The following MYOM3 variants were observed in gnomAD, a reference collection of about 807,000 sequenced individuals.
MYOM3 encodes myomesin 3.
MYOM3 carries 155 observed loss-of-function variants against 191.7 expected under a neutral mutation model. That is an observed-to-expected ratio of 0.81 (90% CI 0.71 to 0.92). MYOM3 has a LOEUF of 0.92. Ranked by LOEUF, MYOM3 falls within the 40% of genes least tolerant of loss-of-function variation. The pLI is 0.00. For missense variants in MYOM3, 1,889 were observed against 1,890.6 expected (o/e 1.00, Z 0.02); for synonymous variants, 757 against 762.9 (o/e 0.99, Z 0.13).
intron 14 of MYOM3, among the ~76,000 whole-genome samples, chr1:24,089,010 C>A (rs947347055): frequency 6.6e-6 from 1 of 152,318 alleles, no homozygotes; most frequent in East Asian, 1.9e-4. Flanking sequence ...TACTGCCCCC[C>A]CTCCACTGTG....
chr1:24,107,244 G>A lies in MYOM3; in HGVS notation c.243-12C>T. On this transcript the variant is annotated splice_polypyrimidine_tract_variant and intron_variant, in intron 3 of 36. Transcript: ENST00000374434. Reference sequence around the variant, plus strand: ...TCAGCTGGGCTTCCCTGCCGTGACAGAGGCCATCGGGGCTCAGGCAGGGAT... The same window carrying A: ...TCAGCTGGGCTTCCCTGCCGTGACAAAGGCCATCGGGGCTCAGGCAGGGAT... The A allele has an allele frequency of 6.3e-7, 1 of 1,588,400 alleles. No individual in the cohort carries two copies. Among genetic ancestry groups the A allele is most frequent in the South Asian group, 1.1e-5 (1 of 87,160 alleles).
Position 24,111,256 on chromosome 1 carries a change from C to G in MYOM3, c.-19+775G>C, listed in dbSNP as rs949206724. Among the ~76,000 whole-genome samples, 6 of 152,230 alleles carry G rather than the reference C, an allele frequency of 3.9e-5. No homozygotes were observed. The highest frequency in any genetic ancestry group is 8.8e-5 in the Non-Finnish European group (6 of 68,040). ...CTGGGCCAGAGGTCCCACTGCGTGG[C>G]CTTCCCTATTCCCCTCTGCTTTCCT... On this transcript the variant is annotated intron_variant, in intron 1 of 36. Coordinates refer to ENST00000374434, the MANE Select transcript of MYOM3 (RefSeq NM_152372.4). The surrounding 1 kb of genome is among the most constrained non-coding windows in gnomAD (Gnocchi z 4.7).
intron 20 of MYOM3, among the ~76,000 whole-genome samples, chr1:24,077,521 T>C (rs1443589763): frequency 6.6e-6 from 1 of 152,188 alleles, no homozygotes; most frequent in Non-Finnish European, 1.5e-5. Flanking sequence ...CTCACTCCAG[T>C]GTAGCCTGTG....
intron 20 of MYOM3, among the ~76,000 whole-genome samples, chr1:24,076,659 G>A (rs1478945340): frequency 1.1e-5 from 1 of 93,314 alleles, no homozygotes; most frequent in Non-Finnish European, 2.4e-5. Context: ...GACTACAGGC[G>A]CCCGCCACTA....
chr1:24,062,020 T>C lies in MYOM3; in HGVS notation c.3860A>G (p.Asp1287Gly), dbSNP rs1176868331. The stretch of plus-strand genomic sequence containing the variant: ...TATTTCCAGAGTGTATTTGCCCTTG[T>C]CTGAGTCTTTGGGGTCCAGGATGTG... ...WLHILDPKDS[D>G]KGKYTLEIAA... Residue 1287 changes from aspartate to glycine, a missense_variant, in exon 33 of 37, where the codon GAC (aspartate) becomes GGC (glycine). Transcript: ENST00000374434. The C allele has an allele frequency of 1.2e-6, 2 of 1,614,082 alleles. No individual in the cohort carries two copies. Among genetic ancestry groups the C allele is most frequent in the African/African-American group, 2.7e-5 (2 of 74,908 alleles).
Position 24,098,018 on chromosome 1 carries a change from AG to A in MYOM3, c.657-8del. The A allele has an allele frequency of 2.5e-6, 4 of 1,597,024 alleles. No individual in the cohort carries two copies. The highest frequency in any genetic ancestry group is 3.4e-6 in the Non-Finnish European group (4 of 1,164,382). On this transcript the variant is annotated splice_region_variant and splice_polypyrimidine_tract_variant and intron_variant, in intron 6 of 36. Coordinates refer to ENST00000374434, the MANE Select transcript of MYOM3 (RefSeq NM_152372.4). Reference sequence around the variant, plus strand: ...TGAGTCCTCAATGGCGCATCTGAAAAGGAGAGAGGGAGAAGTTCCTCCCAAG... The same window carrying A: ...TGAGTCCTCAATGGCGCATCTGAAAAGAGAGAGGGAGAAGTTCCTCCCAAG...
At chr1:24,062,679 T>C (rs1643384823) in intron 32 of MYOM3, among the ~76,000 whole-genome samples, 2 of 152,120 alleles carry the variant, frequency 1.3e-5, no homozygotes, top group Admixed American at 1.3e-4. Context: ...ACAGACCCTT[T>C]TCCTGCATGT....
intron 10 of MYOM3, 120 bp downstream of exon 10, chr1:24,092,827 T>G: frequency 9.7e-7 from 1 of 1,029,198 alleles, no homozygotes; most frequent in Non-Finnish European, 1.3e-6. Flanking sequence ...CCTGATTTTA[T>G]GGTAGAGAAA....
intron 20 of MYOM3, 126 bp from the exon 21 acceptor site, chr1:24,076,399 C>T: frequency 1.5e-6 from 1 of 667,650 alleles, no homozygotes; most frequent in Non-Finnish European, 2.7e-6. Context: ...CTCATCTTTC[C>T]ATGTGACAAA....
chr1:24,081,546 G>A (rs1319948738), intron 18 of MYOM3, 90 bp from the exon 19 acceptor site: 3 of 1,442,314 alleles, frequency 2.1e-6, no homozygotes, highest in Admixed American at 2.1e-5. Flanking sequence ...CAGAGCAGGT[G>A]GTCTGTGGGG....
At chr1:24,084,735 C>G in intron 15 of MYOM3, 96 bp from the exon 16 acceptor site, 2 of 1,136,042 alleles carry the variant, frequency 1.8e-6, no homozygotes, top group Admixed American at 2.2e-5. Context: ...CCAGAAGGAG[C>G]TCCCACAGCA....
In MYOM3 at chr1:24,098,072, T is replaced by C; in HGVS notation, c.657-61A>G. 5 of 1,086,930 alleles carry C rather than the reference T, an allele frequency of 4.6e-6. No individual in the cohort carries two copies. The South Asian group carries it at 6.2e-5, about 14-fold the overall frequency. The allele number at this position is 1,086,930 out of a possible 1,614,324, so 67.3% of individuals were successfully genotyped here. Reference sequence around the variant, plus strand: ...TGCTGGGCTCCATGGGAAACACAAGTCCCCTGTGTGGGTGGGAAAGGCTGG... The same window carrying C: ...TGCTGGGCTCCATGGGAAACACAAGCCCCCTGTGTGGGTGGGAAAGGCTGG... On this transcript the variant is annotated intron_variant, in intron 6 of 36. Coordinates refer to ENST00000374434, the MANE Select transcript of MYOM3 (RefSeq NM_152372.4).
rs527769196 is a variant in MYOM3 at position 24,063,012 on chromosome 1, G to T, written c.3770+114C>A. ...ACCCCTGGGACCAGGCTCTGCTTGG[G>T]GGACCAGAAACTCTGCTTGGAGGAC... On this transcript the variant is annotated intron_variant, in intron 32 of 36. Coordinates refer to ENST00000374434, the MANE Select transcript of MYOM3 (RefSeq NM_152372.4). This position sits in a 1 kb window ranked among gnomAD's most constrained non-coding sequence, Gnocchi z 4.5. The T allele has an allele frequency of 2.8e-5, 18 of 632,536 alleles. No homozygotes were observed. The African/African-American group carries it at 3.8e-4, about 13-fold the overall frequency. 39.2% of individuals were successfully genotyped at this position (632,536 alleles called of 1,614,324 possible).
At chr1:24,099,810 G>A (rs1272129384) in intron 5 of MYOM3, 35 bp from the exon 6 acceptor site, 1 of 1,519,478 alleles carries the variant, frequency 6.6e-7, no homozygotes, top group Non-Finnish European at 9.1e-7. Context: ...CAGGCAGGGT[G>A]GTTCTAAGCG....
chr1:24,105,424 C>T (rs560505134), intron 5 of MYOM3, among the ~76,000 whole-genome samples: 19 of 152,356 alleles, frequency 1.2e-4, no homozygotes, highest in African/African-American at 4.3e-4. Context: ...CCTGCCCCAC[C>T]CACTGTCTCC....
chr1:24,098,450 G>A (rs1285747034), intron 6 of MYOM3, among the ~76,000 whole-genome samples: 4 of 152,242 alleles, frequency 2.6e-5, no homozygotes, highest in Admixed American at 1.3e-4. Context: ...ATAGAACTGA[G>A]CCAGACACCC....
At position 24,107,060 on chromosome 1, in the gene MYOM3, C is replaced by T; in HGVS notation, c.402+13G>A. ...GGTCCCAGGCCCTGGGGCTCCACGG[C>T]CCACCCCCTTACCCGCCGCCTCAGC... On this transcript the variant is annotated intron_variant, in intron 4 of 36. Transcript: ENST00000374434. The T allele has an allele frequency of 1.3e-6, 2 of 1,598,258 alleles. No homozygotes were observed. The highest frequency in any genetic ancestry group is 8.5e-7 in the Non-Finnish European group (1 of 1,172,976).
At position 24,071,918 on chromosome 1, in the gene MYOM3, A is replaced by G. The variant is rs368235711; in HGVS notation, c.3013+51T>C. On this transcript the variant is annotated intron_variant, in intron 24 of 36. Transcript: ENST00000374434. Reference sequence around the variant, plus strand: ...ACTCTGCTCTGCTCAGAACATGCCAATGGGCCCAGTGGGAACTGCACAAGG... The same window carrying G: ...ACTCTGCTCTGCTCAGAACATGCCAGTGGGCCCAGTGGGAACTGCACAAGG... The G allele has an allele frequency of 1.4e-4, 218 of 1,585,696 alleles. No individual in the cohort carries two copies. In the African/African-American group the frequency reaches 2.3e-3, roughly 17 times the overall value.
intron 35 of MYOM3, among the ~76,000 whole-genome samples, chr1:24,059,953 G>T (rs930685139): frequency 2.0e-5 from 3 of 152,174 alleles, no homozygotes; most frequent in South Asian, 2.1e-4. Flanking sequence ...GGAGGGGAAG[G>T]CCCCACAGAT....
Sources: gnomAD v4.1 joint callset for allele counts (sites outside exome capture counted in the v4.1 genomes callset) on GRCh38, gnomAD v4.1.1 for gene constraint, Gnocchi (gnomAD v3.1) non-coding constraint, MANE v1.5 for transcripts, NCBI Gene and HGNC (gene_info 2026-07-23, HGNC 2026-07-21) for gene names.